SYN3: variants seen among roughly 807,000 people sequenced by gnomAD.
The protein encoded by SYN3 is synapsin III, also known as synapsin-3.
SYN3 carries 35 observed loss-of-function variants against 65.8 expected under a neutral mutation model. That is an observed-to-expected ratio of 0.53 (90% CI 0.41 to 0.70). SYN3 has a LOEUF of 0.70. Ranked by LOEUF, SYN3 falls within the 30% of genes least tolerant of loss-of-function variation. The probability of loss-of-function intolerance (pLI) is 0.00; values close to 1 mark genes in which losing one functional copy is unlikely to be tolerated. For synonymous variants in SYN3, 270 were observed against 292.9 expected (o/e 0.92, Z 0.80); for missense variants, 680 against 749.0 (o/e 0.91, Z 1.08).
intron 3 of SYN3, among the ~76,000 whole-genome samples, chr22:32,962,801 CATCTATCTATCT>C (rs56349346): frequency 0.033 from 4,851 of 146,504 alleles, 110 homozygotes; most frequent in African/African-American, 0.055. Context: ...AGAGTATCGG[CATCTATCTATCT>C]ATCTATCTAT....
At chr22:32,791,776 C>G (rs1244232224) in intron 6 of SYN3, among the ~76,000 whole-genome samples, 1 of 151,912 alleles carries the variant, frequency 6.6e-6, no homozygotes, top group Non-Finnish European at 1.5e-5. Flanking sequence ...TACCTCATGG[C>G]TTTTGCTATA....
chr22:32,600,748 C>T (rs1317323204), intron 6 of SYN3, among the ~76,000 whole-genome samples: 8 of 151,680 alleles, frequency 5.3e-5, no homozygotes, highest in Non-Finnish European at 2.9e-5. Context: ...AGTGCAGTGG[C>T]ACAATCTCGG....
Position 32,791,537 on chromosome 22 carries a change from C to G in SYN3, c.711+73378G>C, listed in dbSNP as rs544754677. On this transcript the variant is annotated intron_variant, in intron 6 of 13. Coordinates refer to ENST00000358763, the MANE Select transcript of SYN3 (RefSeq NM_003490.4). ...TACAGGCATTCTGGGAAGAAAGACC[C>G]ATCTGGTTTCAGGAACTGGGCATCT... Among the ~76,000 whole-genome samples, 6 of 151,834 alleles carry G rather than the reference C, an allele frequency of 4.0e-5. No individual in the cohort carries two copies. In the East Asian group the frequency reaches 9.8e-4, roughly 25 times the overall value.
At chr22:32,929,401 G>GTGA (rs1291304683) in intron 4 of SYN3, among the ~76,000 whole-genome samples, 3 of 152,148 alleles carry the variant, frequency 2.0e-5, no homozygotes, top group Admixed American at 2.0e-4. Flanking sequence ...AATAACCTGT[G>GTGA]TGATAATTCT....
At chr22:32,786,187 C>T (rs990773623) in intron 6 of SYN3, among the ~76,000 whole-genome samples, 1 of 151,884 alleles carries the variant, frequency 6.6e-6, no homozygotes, top group African/African-American at 2.4e-5. Context: ...TGTTTGTAGC[C>T]GAGGAAGCTG....
intron 6 of SYN3, among the ~76,000 whole-genome samples, chr22:32,814,207 A>C (rs2047004810): frequency 6.9e-6 from 1 of 144,380 alleles, no homozygotes; most frequent in African/African-American, 2.6e-5. Flanking sequence ...GAAAGAAAGA[A>C]AACAAAGAAA....
intron 6 of SYN3, among the ~76,000 whole-genome samples, chr22:32,745,681 A>G (rs551719749): frequency 6.6e-6 from 1 of 152,292 alleles, no homozygotes; most frequent in East Asian, 1.9e-4. Context: ...AGGGGAAGAG[A>G]GGAGACAGAG....
At chr22:32,655,134 C>G (rs2060124845) in intron 6 of SYN3, among the ~76,000 whole-genome samples, 1 of 152,180 alleles carries the variant, frequency 6.6e-6, no homozygotes, top group African/African-American at 2.4e-5. Flanking sequence ...TGGGAGGCTT[C>G]AGAGAGCTGC....
At chr22:32,770,314 C>CG (rs774594518) in intron 6 of SYN3, among the ~76,000 whole-genome samples, 10 of 152,204 alleles carry the variant, frequency 6.6e-5, no homozygotes, top group Non-Finnish European at 1.3e-4. Context: ...GTGATGCCTT[C>CG]AGATGTAAGT....
At chr22:32,530,177 A>G (rs2058046181) in intron 10 of SYN3, 1 of 152,246 alleles carries the variant, frequency 6.6e-6, no homozygotes, top group Admixed American at 6.5e-5. Flanking sequence ...CCCTCCACAG[A>G]CACCTGTTTA....
chr22:32,582,294 T>C (rs1044995487), intron 7 of SYN3, among the ~76,000 whole-genome samples: 3 of 151,862 alleles, frequency 2.0e-5, no homozygotes, highest in Non-Finnish European at 4.4e-5. Context: ...AAATCACCTG[T>C]GCATTTTGTT....
intron 6 of SYN3, among the ~76,000 whole-genome samples, chr22:32,688,463 C>A (rs1207264203): frequency 6.6e-6 from 1 of 152,030 alleles, no homozygotes; most frequent in Non-Finnish European, 1.5e-5. Flanking sequence ...ATATTTTTCC[C>A]TTTGTTAGCT....
chr22:32,941,422 G>A (rs965569377), intron 3 of SYN3, among the ~76,000 whole-genome samples: 20 of 152,010 alleles, frequency 1.3e-4, no homozygotes, highest in African/African-American at 3.6e-4. Context: ...TATTTTTTGC[G>A]CATTTGTTGC....
chr22:32,875,914 A>G (rs2048970578), intron 4 of SYN3, among the ~76,000 whole-genome samples: 1 of 152,156 alleles, frequency 6.6e-6, no homozygotes. Context: ...AGCCTCAGGA[A>G]ACTAACACAC....
chr22:32,610,470 G>A (rs1437277890), intron 6 of SYN3, among the ~76,000 whole-genome samples: 1 of 152,164 alleles, frequency 6.6e-6, no homozygotes, highest in South Asian at 2.1e-4. Flanking sequence ...TCTACTTTCT[G>A]TCTCTACAGA....
At chr22:33,053,432 A>G (rs10483169) in intron 1 of SYN3, among the ~76,000 whole-genome samples, 4,942 of 152,246 alleles carry the variant, frequency 0.032, 216 homozygotes, top group East Asian at 0.13. Flanking sequence ...TTCAAAAAAA[A>G]GGATAAGTCA....
At chr22:32,615,432 TAAAAAAAAA>T in intron 6 of SYN3, among the ~76,000 whole-genome samples, 1 of 74,406 alleles carries the variant, frequency 1.3e-5, no homozygotes, top group East Asian at 3.6e-4. Context: ...AGACTTCATC[TAAAAAAAAA>T]AAAAAAAAAA....
chr22:32,996,749 C>T (rs778398250), intron 2 of SYN3, among the ~76,000 whole-genome samples: 20 of 152,188 alleles, frequency 1.3e-4, no homozygotes, highest in Non-Finnish European at 2.1e-4. Context: ...TGTAGAAGGT[C>T]CAATTTGCAA....
chr22:33,017,593 T>A (rs1454546295), intron 1 of SYN3, among the ~76,000 whole-genome samples: 3 of 152,236 alleles, frequency 2.0e-5, no homozygotes, highest in African/African-American at 4.8e-5. Context: ...ACCTCCTTGG[T>A]TAAATTTACT....
Sources: gnomAD v4.1 joint callset for allele counts (sites outside exome capture counted in the v4.1 genomes callset) on GRCh38, gnomAD v4.1.1 for gene constraint, MANE v1.5 for transcripts, NCBI Gene and HGNC (gene_info 2026-07-23, HGNC 2026-07-21) for gene names.